The following COL11A1 variants were observed in gnomAD, a reference collection of about 807,000 sequenced individuals.
COL11A1 encodes collagen alpha-1(XI) chain.
In COL11A1, 74 loss-of-function variants were observed where a neutral mutation model predicts 265.2. That is an observed-to-expected ratio of 0.28 (90% CI 0.23 to 0.34). The LOEUF (loss-of-function observed/expected upper bound fraction) is 0.34. Among genes scored for constraint, COL11A1 ranks in the 10% least tolerant of loss-of-function variants. COL11A1 has a pLI of 1.00. For missense variants in COL11A1, 2,165 were observed against 2,263.6 expected (o/e 0.96, Z 0.88); for synonymous variants, 816 against 727.6 (o/e 1.12, Z -1.96).
chr1:102,903,734 T>G (rs1426533817), intron 54 of COL11A1, among the ~76,000 whole-genome samples: 3 of 152,222 alleles, frequency 2.0e-5, no homozygotes, highest in Non-Finnish European at 4.4e-5. Context: ...TATTCTCAAA[T>G]CAGTTTCAAT....
intron 66 of COL11A1, among the ~76,000 whole-genome samples, chr1:102,879,242 AG>A (rs1320589793): frequency 4.6e-5 from 7 of 152,202 alleles, no homozygotes; most frequent in Admixed American, 3.9e-4. Flanking sequence ...AAACTGATAT[AG>A]TACAAATTAA....
chr1:102,877,946 G>T lies in COL11A1; in HGVS notation c.*73C>A. 1 of 1,500,456 alleles carries T rather than the reference G, an allele frequency of 6.7e-7. No homozygotes were observed. Among genetic ancestry groups the T allele is most frequent in the Non-Finnish European group, 9.3e-7 (1 of 1,078,476 alleles). 92.9% of individuals were successfully genotyped at this position (1,500,456 alleles called of 1,614,324 possible). On this transcript the variant is annotated 3_prime_UTR_variant, in exon 67 of 67. Transcript: ENST00000370096. ...TCTATACCATCCTTATTCAAAACTTGCATGTGGCACAAAATGGGTTGGTGG... is the reference window on the plus strand; with the variant it reads ...TCTATACCATCCTTATTCAAAACTTTCATGTGGCACAAAATGGGTTGGTGG...
At chr1:102,898,309 C>A in intron 56 of COL11A1, 131 bp from the exon 57 acceptor site, 1 of 373,354 alleles carries the variant, frequency 2.7e-6, no homozygotes, top group Non-Finnish European at 4.5e-6. Flanking sequence ...ATATGGAGGA[C>A]ATCTACAAAT....
intron 54 of COL11A1, among the ~76,000 whole-genome samples, chr1:102,901,303 A>C (rs2100942103): frequency 6.7e-6 from 1 of 149,698 alleles, no homozygotes; most frequent in Admixed American, 6.6e-5. Context: ...CTGGGAAATA[A>C]AAGCAAAACT....
At chr1:103,074,533 A>G in intron 4 of COL11A1, 85 bp downstream of exon 4, 1 of 1,458,742 alleles carries the variant, frequency 6.9e-7, no homozygotes, top group Non-Finnish European at 9.5e-7. Context: ...TTTATAACGT[A>G]TTGCTATAAA....
chr1:102,920,273 T>C, intron 49 of COL11A1, 38 bp downstream of exon 49: 1 of 1,570,722 alleles, frequency 6.4e-7, no homozygotes, highest in Non-Finnish European at 8.8e-7. Context: ...AGTTCTTAAT[T>C]CATGCTGTTT....
intron 4 of COL11A1, among the ~76,000 whole-genome samples, chr1:103,068,869 G>A (rs1470133113): frequency 6.6e-6 from 1 of 150,890 alleles, no homozygotes; most frequent in Non-Finnish European, 1.5e-5. Flanking sequence ...AATAAAAGAT[G>A]TCCAAGACAT....
At chr1:103,043,335 C>G (rs1022782847) in intron 4 of COL11A1, among the ~76,000 whole-genome samples, 1 of 151,542 alleles carries the variant, frequency 6.6e-6, no homozygotes, top group Non-Finnish European at 1.5e-5. Context: ...TGTCACATGT[C>G]AGGAAGGTAT....
chr1:102,933,752 C>T (rs539203308), intron 46 of COL11A1, among the ~76,000 whole-genome samples: 29 of 152,240 alleles, frequency 1.9e-4, no homozygotes, highest in Admixed American at 1.6e-3. Context: ...ACTCCGTGGG[C>T]GTAGGACCCT....
intron 1 of COL11A1, among the ~76,000 whole-genome samples, chr1:103,091,964 T>C (rs781649840): frequency 1.2e-4 from 19 of 152,202 alleles, no homozygotes; most frequent in Middle Eastern, 6.8e-3. Flanking sequence ...AGAAATCCAG[T>C]GAACAAATGT....
intron 4 of COL11A1, among the ~76,000 whole-genome samples, chr1:103,060,973 T>TA (rs1230890425): frequency 4.0e-5 from 6 of 148,498 alleles, no homozygotes; most frequent in African/African-American, 1.0e-4. Context: ...TCAGAGTGGA[T>TA]CAAAAAAAAA....
At position 102,946,992 on chromosome 1, in the gene COL11A1, G is replaced by C. The variant is rs761908000; in HGVS notation, c.3169-36C>G. The C allele has an allele frequency of 2.0e-6, 3 of 1,505,822 alleles. No individual in the cohort carries two copies. The South Asian group carries it at 3.5e-5, about 18-fold the overall frequency. 93.3% of individuals were successfully genotyped at this position (1,505,822 alleles called of 1,614,324 possible). On this transcript the variant is annotated intron_variant, in intron 41 of 66. Coordinates refer to ENST00000370096, the MANE Select transcript of COL11A1 (RefSeq NM_001854.4). ...GGAAAAGAAGTATTTTGTTATTAAAGAAAGTAATACTGGCTTAAGAATCAC... is the reference window on the plus strand; with the variant it reads ...GGAAAAGAAGTATTTTGTTATTAAACAAAGTAATACTGGCTTAAGAATCAC...
intron 43 of COL11A1, among the ~76,000 whole-genome samples, chr1:102,939,849 C>A (rs1398465955): frequency 6.6e-6 from 1 of 151,818 alleles, no homozygotes; most frequent in Non-Finnish European, 1.5e-5. Flanking sequence ...ATGATGTATT[C>A]AATTGAAACA....
intron 29 of COL11A1, among the ~76,000 whole-genome samples, chr1:102,988,115 C>T (rs761239920): frequency 2.0e-5 from 3 of 152,082 alleles, no homozygotes; most frequent in Admixed American, 6.6e-5. Context: ...AACATCACTA[C>T]GTAGAACATA....
At chr1:103,066,401 A>G (rs538644488) in intron 4 of COL11A1, among the ~76,000 whole-genome samples, 39 of 152,088 alleles carry the variant, frequency 2.6e-4, no homozygotes, top group African/African-American at 7.7e-4. Context: ...TTACATACAT[A>G]CAATGATACA....
chr1:103,038,095 GATGGAGGTAAAATAGC>G (rs67265545), intron 4 of COL11A1, among the ~76,000 whole-genome samples: 5,168 of 152,220 alleles, frequency 0.034, 113 homozygotes, highest in Middle Eastern at 0.092. Context: ...TAATGAAGGG[GATGGAGGTAAAATAGC>G]ATTAAACATA....
At chr1:103,028,795 G>T (rs781242043) in intron 5 of COL11A1, among the ~76,000 whole-genome samples, 2 of 152,018 alleles carry the variant, frequency 1.3e-5, no homozygotes, top group Non-Finnish European at 2.9e-5. Flanking sequence ...TAATTGTTTT[G>T]TAAATTCCTT....
chr1:102,911,278 A>C (rs1045901118), intron 54 of COL11A1, among the ~76,000 whole-genome samples: 3 of 152,148 alleles, frequency 2.0e-5, no homozygotes, highest in Non-Finnish European at 4.4e-5. Context: ...ATTGATTCAA[A>C]TTTGTATTGC....
intron 14 of COL11A1, 48 bp downstream of exon 14, chr1:103,012,365 G>T: frequency 6.9e-7 from 1 of 1,452,210 alleles, no homozygotes. Flanking sequence ...ACAGGGAACT[G>T]CTAATTTGAA....
Sources: gnomAD v4.1 joint callset for allele counts (sites outside exome capture counted in the v4.1 genomes callset) on GRCh38, gnomAD v4.1.1 for gene constraint, MANE v1.5 for transcripts, NCBI Gene and HGNC (gene_info 2026-07-23, HGNC 2026-07-21) for gene names.